The following ADARB2 variants were observed in gnomAD, a reference collection of about 807,000 sequenced individuals.
ADARB2 encodes the protein inactive double-stranded RNA-specific editase B2.
Under a neutral mutation model 62.2 loss-of-function variants are expected in ADARB2, and 25 were observed. The observed-to-expected ratio is 0.40, with a 90% CI of 0.29 to 0.56. The LOEUF (loss-of-function observed/expected upper bound fraction) is 0.56. Among genes scored for constraint, ADARB2 ranks in the 20% least tolerant of loss-of-function variants. ADARB2 has a pLI of 0.43. For missense variants in ADARB2, 1,071 were observed against 1,077.4 expected, an observed-to-expected ratio of 0.99 and a Z score of 0.08; for synonymous variants, 572 against 500.8, an observed-to-expected ratio of 1.14 and a Z score of -1.90.
intron 1 of ADARB2, among the ~76,000 whole-genome samples, chr10:1,401,065 C>T (rs970865229): frequency 2.6e-5 from 4 of 152,168 alleles, no homozygotes; most frequent in African/African-American, 9.7e-5. Context: ...AGTCCCAGGA[C>T]CCCTCGCCAG....
chr10:1,293,169 GGGA>G (rs1282072024), intron 3 of ADARB2, among the ~76,000 whole-genome samples: 2 of 50,740 alleles, frequency 3.9e-5, no homozygotes, highest in African/African-American at 1.6e-4. Flanking sequence ...GTAAGAAGGG[GGGA>G]GAGGGGGAGA....
At chr10:1,390,610 T>G (rs1036272281) in intron 1 of ADARB2, among the ~76,000 whole-genome samples, 1 of 152,260 alleles carries the variant, frequency 6.6e-6, no homozygotes, top group Admixed American at 6.5e-5. Flanking sequence ...GCATATCTGC[T>G]TATGCCTCTA....
At chr10:1,580,848 C>G (rs1187033530) in intron 1 of ADARB2, among the ~76,000 whole-genome samples, 1 of 152,240 alleles carries the variant, frequency 6.6e-6, no homozygotes, top group Non-Finnish European at 1.5e-5. Flanking sequence ...CCATTTCAGA[C>G]TGCCTCATTC....
intron 6 of ADARB2, among the ~76,000 whole-genome samples, chr10:1,226,993 C>T (rs1383457430): frequency 6.6e-6 from 1 of 152,222 alleles, no homozygotes; most frequent in East Asian, 1.9e-4. Flanking sequence ...GTTCCCTGCC[C>T]CCAGAGGTGG....
At chr10:1,556,576 G>A (rs1832706973) in intron 1 of ADARB2, 1 of 439,852 alleles carries the variant, frequency 2.3e-6, no homozygotes, top group South Asian at 1.7e-5. Flanking sequence ...TCTGGGGAGG[G>A]CCTGAGCATT....
intron 1 of ADARB2, among the ~76,000 whole-genome samples, chr10:1,522,412 T>C (rs188413346): frequency 3.3e-5 from 5 of 151,688 alleles, no homozygotes; most frequent in African/African-American, 1.2e-4. Context: ...TGCCTGAGAG[T>C]CAGAGGGCAG....
intron 1 of ADARB2, among the ~76,000 whole-genome samples, chr10:1,460,727 G>A (rs111412135): frequency 0.075 from 2,391 of 32,010 alleles, 130 homozygotes; most frequent in Middle Eastern, 0.14. Context: ...TACCTGTGTA[G>A]CAAACCTGCC....
In ADARB2 at chr10:1,469,218, A is replaced by T. The variant is rs1413768949; in HGVS notation, c.101-90058T>A. ...GTTTCTACAGCAGAACTAACAGAGC[A>T]GCACCTCCCCAGTGCCCCCTGCAAA... On this transcript the variant is annotated intron_variant, in intron 1 of 9. Coordinates refer to ENST00000381312, the MANE Select transcript of ADARB2 (RefSeq NM_018702.4). Among the ~76,000 whole-genome samples the T allele has an allele frequency of 2.6e-5, 4 of 152,332 alleles. No individual in the cohort carries two copies. The East Asian group carries it at 7.7e-4, about 29-fold the overall frequency.
intron 1 of ADARB2, among the ~76,000 whole-genome samples, chr10:1,679,399 A>C (rs900108745): frequency 6.6e-6 from 1 of 152,166 alleles, no homozygotes; most frequent in Non-Finnish European, 1.5e-5. Context: ...CATCAGACAC[A>C]TATCTTTCCA....
At chr10:1,295,951 C>T (rs1033369755) in intron 3 of ADARB2, among the ~76,000 whole-genome samples, 1 of 152,202 alleles carries the variant, frequency 6.6e-6, no homozygotes, top group Admixed American at 6.5e-5. Flanking sequence ...GCATTTGCTC[C>T]TCACTCAGGA....
chr10:1,234,793 G>C (rs1830848616), intron 5 of ADARB2, among the ~76,000 whole-genome samples: 1 of 124,272 alleles, frequency 8.0e-6, no homozygotes. Context: ...CTTTGTCCCA[G>C]GCTGCAGTGC....
chr10:1,329,752 G>A (rs954008865), intron 3 of ADARB2, among the ~76,000 whole-genome samples: 2 of 152,216 alleles, frequency 1.3e-5, no homozygotes, highest in African/African-American at 2.4e-5. Context: ...CTGGAGCCGC[G>A]AACCACCTGG....
intron 5 of ADARB2, among the ~76,000 whole-genome samples, chr10:1,237,977 C>T (rs1183225689): frequency 1.2e-3 from 1 of 820 alleles, no homozygotes; most frequent in Non-Finnish European, 2.4e-3. Context: ...CTCCCCTCTG[C>T]CTCCCGGTGT....
chr10:1,417,980 A>G (rs1832819419), intron 1 of ADARB2, among the ~76,000 whole-genome samples: 1 of 152,228 alleles, frequency 6.6e-6, no homozygotes, highest in Non-Finnish European at 1.5e-5. Context: ...AGAAGTTTTA[A>G]AGAATAAGCC....
intron 1 of ADARB2, among the ~76,000 whole-genome samples, chr10:1,603,664 A>G (rs1030502914): frequency 2.5e-4 from 37 of 149,958 alleles, no homozygotes; most frequent in African/African-American, 8.5e-4. Flanking sequence ...GTCATAAGTC[A>G]CAGTCACATA....
intron 1 of ADARB2, among the ~76,000 whole-genome samples, chr10:1,524,497 C>A (rs980719365): frequency 6.6e-6 from 1 of 152,200 alleles, no homozygotes; most frequent in African/African-American, 2.4e-5. Flanking sequence ...GATAATGGGT[C>A]AATCAGCAAG....
At chr10:1,582,462 G>A (rs1466859545) in intron 1 of ADARB2, among the ~76,000 whole-genome samples, 2 of 152,222 alleles carry the variant, frequency 1.3e-5, no homozygotes, top group African/African-American at 2.4e-5. Context: ...GGCAGTGTCA[G>A]AAGACCAGAA....
At chr10:1,408,377 G>A (rs921950739) in intron 1 of ADARB2, among the ~76,000 whole-genome samples, 8 of 151,788 alleles carry the variant, frequency 5.3e-5, no homozygotes, top group Non-Finnish European at 1.0e-4. Flanking sequence ...CATGTGATAT[G>A]CATATTATTA....
chr10:1,213,222 GAGAA>G (rs1837182063), intron 7 of ADARB2, among the ~76,000 whole-genome samples: 1 of 152,152 alleles, frequency 6.6e-6, no homozygotes, highest in Non-Finnish European at 1.5e-5. Flanking sequence ...TGGGCACACA[GAGAA>G]AGAGACAGAG....
Sources: gnomAD v4.1 joint callset for allele counts (sites outside exome capture counted in the v4.1 genomes callset) on GRCh38, gnomAD v4.1.1 for gene constraint, MANE v1.5 for transcripts, NCBI Gene and HGNC (gene_info 2026-07-23, HGNC 2026-07-21) for gene names.